The following STEAP2 variants were observed in gnomAD, a reference collection of about 807,000 sequenced individuals.
STEAP2 encodes metalloreductase STEAP2.
A neutral mutation model predicts 46.4 loss-of-function variants in STEAP2; 30 were observed. The ratio of observed to expected loss-of-function variants is 0.65; its 90% CI spans 0.48 to 0.88. STEAP2 has a LOEUF of 0.88. Among genes scored for constraint, STEAP2 ranks in the 40% least tolerant of loss-of-function variants. STEAP2 has a pLI of 0.00. For missense variants in STEAP2, 513 were observed against 579.3 expected, an observed-to-expected ratio of 0.89 and a Z score of 1.18; for synonymous variants, 180 against 200.5, an observed-to-expected ratio of 0.90 and a Z score of 0.86.
Position 90,234,110 on chromosome 7 carries a change from T to C in STEAP2, c.*1486T>C. On this transcript the variant is annotated 3_prime_UTR_variant, in exon 6 of 6. Transcript: ENST00000394621. ...TTCCTGAGAAGTTCTCCTGCCTGCA[T>C]AACCATTCATTAGGGAGTACTTTAC... 1.0e-6 allele frequency: 1 copy of C among 985,410 alleles called. No individual in the cohort carries two copies. The highest frequency in any genetic ancestry group is 1.2e-6 in the Non-Finnish European group (1 of 829,914). 61.0% of individuals were successfully genotyped at this position (985,410 alleles called of 1,614,324 possible).
chr7:90,214,439 C>T (rs963485242), intron 1 of STEAP2, among the ~76,000 whole-genome samples: 1 of 152,074 alleles, frequency 6.6e-6, no homozygotes, highest in Non-Finnish European at 1.5e-5. Flanking sequence ...GGGAGGCTCT[C>T]CAGGACATAA....
rs1189957568 is a variant in STEAP2 at position 90,236,568 on chromosome 7, G to A, written c.*3944G>A. 1 of 1,050,452 alleles carries A rather than the reference G, an allele frequency of 9.5e-7. No homozygotes were observed. The highest frequency in any genetic ancestry group is 1.1e-6 in the Non-Finnish European group (1 of 871,938). 65.1% of individuals were successfully genotyped at this position (1,050,452 alleles called of 1,614,324 possible). A position where few individuals can be genotyped will look rare whatever the true frequency, so the allele number is the denominator to read the frequency against. On this transcript the variant is annotated 3_prime_UTR_variant, in exon 6 of 6. Coordinates refer to ENST00000394621, the MANE Select transcript of STEAP2 (RefSeq NM_001244944.2). ...AATAATTTCAGTGGAAACTCAATCT[G>A]TTTTTACCTTTAAACAGTGAATTTT...
intron 2 of STEAP2, among the ~76,000 whole-genome samples, chr7:90,217,458 A>G (rs2116163919): frequency 6.6e-6 from 1 of 152,018 alleles, no homozygotes; most frequent in Non-Finnish European, 1.5e-5. Flanking sequence ...GCTATTCTCT[A>G]CCTCCATGGG....
In STEAP2 at chr7:90,233,042, A is replaced by G; in HGVS notation, c.*418A>G. ...TTAAGATTTTAATTATTCAACTTAA[A>G]AAGTAGAAATGCATTATTATACATT... On this transcript the variant is annotated 3_prime_UTR_variant, in exon 6 of 6. Transcript: ENST00000394621. 1.0e-6 allele frequency: 1 copy of G among 969,982 alleles called. No homozygotes were observed. Among genetic ancestry groups the G allele is most frequent in the Non-Finnish European group, 1.2e-6 (1 of 815,700 alleles). 60.1% of individuals were successfully genotyped at this position (969,982 alleles called of 1,614,324 possible).
chr7:90,224,477 G>A (rs1795394247), intron 2 of STEAP2, among the ~76,000 whole-genome samples: 1 of 152,206 alleles, frequency 6.6e-6, no homozygotes, highest in Non-Finnish European at 1.5e-5. Context: ...TGCCTACGGG[G>A]TAGGCCTGCT....
chr7:90,218,649 G>A (rs1023301561), intron 2 of STEAP2, among the ~76,000 whole-genome samples: 3 of 151,812 alleles, frequency 2.0e-5, no homozygotes, highest in East Asian at 1.9e-4. Context: ...TTTTTATACC[G>A]GTACCATGTT....
chr7:90,217,647 C>G (rs926240026), intron 2 of STEAP2, among the ~76,000 whole-genome samples: 5 of 145,408 alleles, frequency 3.4e-5, no homozygotes, highest in African/African-American at 1.3e-4. Flanking sequence ...TTTTCTTTAT[C>G]CATTTGTTGA....
rs957666590 is a variant in STEAP2 at position 90,236,643 on chromosome 7, C to T, written c.*4019C>T. 5.5e-5 allele frequency: 67 copies of T among 1,210,020 alleles called. No homozygotes were observed. The highest frequency in any genetic ancestry group is 6.6e-5 in the Non-Finnish European group (64 of 972,516). 75.0% of individuals were successfully genotyped at this position (1,210,020 alleles called of 1,614,324 possible). On this transcript the variant is annotated 3_prime_UTR_variant, in exon 6 of 6. Coordinates refer to ENST00000394621, the MANE Select transcript of STEAP2 (RefSeq NM_001244944.2). ...TTTTTTTTAGTATGAGAAAATTATA[C>T]AGTGCTTAATTTTCAGAGATTCTTT... is the stretch of plus-strand genomic sequence containing the variant.
At chr7:90,239,882 A>C (rs1036147509), downstream of STEAP2, among the ~76,000 whole-genome samples, 3 of 152,066 alleles carry the variant, frequency 2.0e-5, no homozygotes, top group African/African-American at 7.2e-5. Context: ...ATTCTTCCCA[A>C]ATGTACATTA....
At chr7:90,242,059 G>A (rs1431832670), downstream of STEAP2, among the ~76,000 whole-genome samples, 1 of 151,560 alleles carries the variant, frequency 6.6e-6, no homozygotes, top group African/African-American at 2.4e-5. Context: ...ACCTGTCCAT[G>A]AGTAAAACAA....
intron 2 of STEAP2, among the ~76,000 whole-genome samples, chr7:90,221,833 C>T (rs988130198): frequency 1.3e-5 from 2 of 152,288 alleles, no homozygotes; most frequent in Non-Finnish European, 2.9e-5. Flanking sequence ...AAATTTTTAC[C>T]TGTTCACATT....
At chr7:90,230,101 A>G in intron 5 of STEAP2, 65 bp downstream of exon 5, 1 of 1,566,470 alleles carries the variant, frequency 6.4e-7, no homozygotes, top group East Asian at 2.3e-5. Context: ...GAACAACTGC[A>G]TTTTAAATAT....
chr7:90,229,567 A>G (rs1795647308), intron 4 of STEAP2, among the ~76,000 whole-genome samples: 1 of 152,092 alleles, frequency 6.6e-6, no homozygotes, highest in African/African-American at 2.4e-5. Context: ...ACCAACTACT[A>G]GGTATTTTAT....
chr7:90,234,975 C>A lies in STEAP2; in HGVS notation c.*2351C>A. ...GTTGGGCAATGATAACTTTTATGGG[C>A]AAAAACATTCTATTATAGTGAACTA... On this transcript the variant is annotated 3_prime_UTR_variant, in exon 6 of 6. Transcript: ENST00000394621. The A allele has an allele frequency of 1.0e-6, 1 of 972,570 alleles. No individual in the cohort carries two copies. Among genetic ancestry groups the A allele is most frequent in the Non-Finnish European group, 1.2e-6 (1 of 818,244 alleles). 60.2% of individuals were successfully genotyped at this position (972,570 alleles called of 1,614,324 possible). A position where few individuals can be genotyped will look rare whatever the true frequency, so the allele number is the denominator to read the frequency against.
At chr7:90,213,484 A>G (rs1350295964) in intron 1 of STEAP2, among the ~76,000 whole-genome samples, 1 of 152,240 alleles carries the variant, frequency 6.6e-6, no homozygotes, top group Non-Finnish European at 1.5e-5. Flanking sequence ...GCCAGAAACC[A>G]GGACATTGAG....
At chr7:90,224,616 ATTTG>A (rs1795400594) in intron 2 of STEAP2, among the ~76,000 whole-genome samples, 1 of 152,184 alleles carries the variant, frequency 6.6e-6, no homozygotes. Flanking sequence ...CTAAGCCCCC[ATTTG>A]GGGGCTTTCC....
At chr7:90,231,455 G>A (rs1795744983) in intron 5 of STEAP2, among the ~76,000 whole-genome samples, 1 of 151,878 alleles carries the variant, frequency 6.6e-6, no homozygotes, top group South Asian at 2.1e-4. Context: ...TCTGAGCAAT[G>A]AGTCGTTAGG....
At chr7:90,231,309 G>A (rs1795735610) in intron 5 of STEAP2, among the ~76,000 whole-genome samples, 1 of 151,686 alleles carries the variant, frequency 6.6e-6, no homozygotes, top group South Asian at 2.1e-4. Flanking sequence ...GTATATATGT[G>A]TGTGTGCCCA....
At chr7:90,216,972 A>C (rs369440788) in intron 2 of STEAP2, among the ~76,000 whole-genome samples, 40 of 152,186 alleles carry the variant, frequency 2.6e-4, no homozygotes, top group African/African-American at 8.9e-4. Flanking sequence ...CAGTTCTGCT[A>C]CTCCATGTGC....
Sources: allele counts gnomAD v4.1 joint callset (sites outside exome capture counted in the v4.1 genomes callset), GRCh38; gene constraint gnomAD v4.1.1; transcripts MANE v1.5; gene names NCBI Gene and HGNC (gene_info 2026-07-23, HGNC 2026-07-21).